Variants in AGBL1 observed in about 807,000 individuals in gnomAD.
The protein encoded by AGBL1 is AGBL carboxypeptidase 1.
A neutral mutation model predicts 118.9 loss-of-function variants in AGBL1; 130 were observed. The ratio of observed to expected loss-of-function variants is 1.09; its 90% CI spans 0.95 to 1.26. AGBL1 has a LOEUF of 1.26. Among genes scored for constraint, AGBL1 ranks in the 50% most tolerant of loss-of-function variants. AGBL1 has a pLI of 0.00. For synonymous variants in AGBL1, 555 were observed against 478.9 expected, an observed-to-expected ratio of 1.16 and a Z score of -2.08; for missense variants, 1,584 against 1,298.1, an observed-to-expected ratio of 1.22 and a Z score of -3.38.
intron 22 of AGBL1, among the ~76,000 whole-genome samples, chr15:86,750,085 G>A (rs1023645176): frequency 6.6e-6 from 1 of 152,034 alleles, no homozygotes; most frequent in South Asian, 2.1e-4. Context: ...AGAAGGAATG[G>A]TACCAGCTCC....
chr15:86,155,418 C>G (rs1406511430), intron 4 of AGBL1, among the ~76,000 whole-genome samples: 4 of 152,054 alleles, frequency 2.6e-5, no homozygotes, highest in African/African-American at 9.7e-5. Context: ...ACCCTGCACT[C>G]CAGCCTGGGT....
intron 22 of AGBL1, among the ~76,000 whole-genome samples, chr15:86,781,127 C>T (rs2078330169): frequency 6.6e-6 from 1 of 151,914 alleles, no homozygotes; most frequent in South Asian, 2.1e-4. Context: ...ATGTTCATTT[C>T]TCTTTGAAAT....
intron 22 of AGBL1, among the ~76,000 whole-genome samples, chr15:86,726,390 A>G (rs975483756): frequency 1.3e-5 from 2 of 152,186 alleles, no homozygotes; most frequent in Non-Finnish European, 2.9e-5. Flanking sequence ...ACTGGATCCA[A>G]ATCTCAGCTC....
At chr15:86,975,662 T>C (rs2081170025) in intron 23 of AGBL1, among the ~76,000 whole-genome samples, 1 of 152,206 alleles carries the variant, frequency 6.6e-6, no homozygotes, top group Admixed American at 6.5e-5. Context: ...CCTGACACAG[T>C]GGACTTTTGC....
intron 22 of AGBL1, among the ~76,000 whole-genome samples, chr15:86,855,712 A>G (rs756381031): frequency 1.3e-5 from 2 of 152,228 alleles, no homozygotes; most frequent in Non-Finnish European, 2.9e-5. Flanking sequence ...TTTAATCATA[A>G]CCTTATCAAA....
chr15:86,665,085 G>A (rs1303364383), intron 21 of AGBL1, among the ~76,000 whole-genome samples: 8 of 152,022 alleles, frequency 5.3e-5, no homozygotes, highest in Admixed American at 5.2e-4. Context: ...AAAGAATATA[G>A]CATACTATAG....
chr15:86,223,773 G>C (rs1033027876), intron 5 of AGBL1, among the ~76,000 whole-genome samples: 2 of 152,154 alleles, frequency 1.3e-5, no homozygotes, highest in South Asian at 2.1e-4. Flanking sequence ...GGGGAGCAAT[G>C]CTTTCACATG....
At chr15:86,637,398 G>A (rs998441122) in intron 21 of AGBL1, among the ~76,000 whole-genome samples, 8 of 152,066 alleles carry the variant, frequency 5.3e-5, no homozygotes, top group African/African-American at 1.7e-4. Context: ...AAGGCACTAA[G>A]GAAGAAGATA....
chr15:86,458,070 T>A (rs1742277634), intron 18 of AGBL1, among the ~76,000 whole-genome samples: 1 of 151,942 alleles, frequency 6.6e-6, no homozygotes, highest in African/African-American at 2.4e-5. Context: ...TGTCCCCGTA[T>A]ATTGCCACTT....
chr15:86,390,595 T>A (rs985414292), intron 17 of AGBL1, among the ~76,000 whole-genome samples: 1 of 149,750 alleles, frequency 6.7e-6, no homozygotes, highest in Non-Finnish European at 1.5e-5. Flanking sequence ...TCCAACAACA[T>A]AGATAGCTCC....
chr15:86,972,682 T>C lies in AGBL1; in HGVS notation c.3222-15305T>C, dbSNP rs545023204. 3.9e-5 allele frequency among the ~76,000 whole-genome samples: 6 copies of C among 152,150 alleles called. No individual in the cohort carries two copies. In the South Asian group the frequency reaches 1.2e-3, roughly 32 times the overall value. ...TCCTGATCACCAAATATTTGCATGTTTGTTTGCTCCCCTTTCCTTACAGGG... is the reference window on the plus strand; with the variant it reads ...TCCTGATCACCAAATATTTGCATGTCTGTTTGCTCCCCTTTCCTTACAGGG... On this transcript the variant is annotated intron_variant, in intron 23 of 24. Transcript: ENST00000441037.
intron 17 of AGBL1, among the ~76,000 whole-genome samples, chr15:86,340,298 C>T (rs1011675295): frequency 1.8e-4 from 27 of 151,784 alleles, no homozygotes; most frequent in Admixed American, 1.1e-3. Flanking sequence ...TCCACTGCCC[C>T]CCCCCCATTC....
intron 6 of AGBL1, among the ~76,000 whole-genome samples, chr15:86,227,459 GTC>G (rs1295917054): frequency 3.9e-5 from 6 of 152,366 alleles, no homozygotes; most frequent in Middle Eastern, 3.4e-3. Context: ...TGCTGTTAGA[GTC>G]TGTTCTGTGC....
intron 16 of AGBL1, among the ~76,000 whole-genome samples, chr15:86,288,640 T>C (rs2079494012): frequency 6.6e-6 from 1 of 152,142 alleles, no homozygotes; most frequent in Non-Finnish European, 1.5e-5. Flanking sequence ...CTATGTATGA[T>C]CAATTATTGC....
intron 4 of AGBL1, among the ~76,000 whole-genome samples, chr15:86,158,289 CA>C (rs2077219763): frequency 6.6e-6 from 1 of 152,188 alleles, no homozygotes; most frequent in Non-Finnish European, 1.5e-5. Context: ...AGGGTTGGAG[CA>C]ATTCAGTATC....
intron 24 of AGBL1, among the ~76,000 whole-genome samples, chr15:87,004,378 T>G (rs1437235865): frequency 1.3e-5 from 2 of 152,200 alleles, no homozygotes; most frequent in Non-Finnish European, 2.9e-5. Flanking sequence ...TCTCCTGTAG[T>G]GGGTGCATAT....
chr15:86,332,250 A>G (rs1468702395), intron 17 of AGBL1, among the ~76,000 whole-genome samples: 1 of 152,224 alleles, frequency 6.6e-6, no homozygotes, highest in Non-Finnish European at 1.5e-5. Context: ...AGATTTATAA[A>G]ATAAGTACTT....
At chr15:86,544,316 C>T (rs746486216) in intron 19 of AGBL1, among the ~76,000 whole-genome samples, 12 of 152,150 alleles carry the variant, frequency 7.9e-5, no homozygotes, top group Non-Finnish European at 1.3e-4. Flanking sequence ...TGTTTACTCA[C>T]GTGATGGTTG....
intron 19 of AGBL1, among the ~76,000 whole-genome samples, chr15:86,528,472 C>T (rs1049392255): frequency 2.6e-5 from 4 of 151,868 alleles, no homozygotes; most frequent in Admixed American, 6.6e-5. Flanking sequence ...CACGGAATCT[C>T]GCTGATTGCT....
Sources: gnomAD v4.1 joint callset for allele counts (sites outside exome capture counted in the v4.1 genomes callset) on GRCh38, gnomAD v4.1.1 for gene constraint, MANE v1.5 for transcripts, NCBI Gene and HGNC (gene_info 2026-07-23, HGNC 2026-07-21) for gene names.